The following PLBD1 variants were observed in gnomAD, a reference collection of about 807,000 sequenced individuals.
PLBD1 encodes phospholipase B domain containing 1.
Under a neutral mutation model 63.0 loss-of-function variants are expected in PLBD1, and 60 were observed. The ratio of observed to expected loss-of-function variants is 0.95; its 90% CI spans 0.77 to 1.18. PLBD1 has a LOEUF of 1.18. Among genes scored for constraint, PLBD1 ranks in the 50% most tolerant of loss-of-function variants. The pLI, the probability that PLBD1 is intolerant of heterozygous loss-of-function variation, is 0.00. For missense variants in PLBD1, 598 were observed against 677.9 expected (o/e 0.88, Z 1.31); for synonymous variants, 262 against 248.0 (o/e 1.06, Z -0.53).
In PLBD1 at chr12:14,506,255, A is replaced by G. The variant is rs1439523344; in HGVS notation, c.1386T>C (p.Asp462=). The G allele has an allele frequency of 1.2e-6, 2 of 1,607,996 alleles. No homozygotes were observed. Among genetic ancestry groups the G allele is most frequent in the Non-Finnish European group, 1.7e-6 (2 of 1,175,484 alleles). ...YIMRYNNYKK[D]PYSRGDPCNT... is the part of the protein sequence containing the mutation. ...TACAGGGGTCACCTCTACTGTAAGG[A>G]TCCTTCTTATAATCTAGGAAACAGA... Residue 462 remains aspartate (D), a synonymous_variant, in exon 10 of 11, where the codon GAT becomes GAC. Transcript: ENST00000240617.
intron 1 of PLBD1, among the ~76,000 whole-genome samples, chr12:14,563,755 A>T (rs76173691): frequency 0.031 from 4,474 of 145,272 alleles, 226 homozygotes; most frequent in African/African-American, 0.11. Flanking sequence ...AAAATAACTG[A>T]CTAAAGGTCA....
chr12:14,525,715 GCA>G (rs201390423), intron 6 of PLBD1, among the ~76,000 whole-genome samples: 6,976 of 22,560 alleles, frequency 0.31, 519 homozygotes, highest in South Asian at 0.39. Flanking sequence ...ACACACACAC[GCA>G]CACACACACT....
At chr12:14,515,463 C>T (rs566979624) in intron 6 of PLBD1, among the ~76,000 whole-genome samples, 4 of 151,474 alleles carry the variant, frequency 2.6e-5, no homozygotes, top group South Asian at 2.1e-4. Flanking sequence ...CTTTAGAATA[C>T]GTGCCCGTAT....
intron 2 of PLBD1, among the ~76,000 whole-genome samples, chr12:14,552,237 G>A (rs923435540): frequency 3.9e-5 from 6 of 152,146 alleles, no homozygotes; most frequent in African/African-American, 1.2e-4. Context: ...TATATCAAAG[G>A]AGGGATGAGA....
At chr12:14,567,479 A>T in intron 1 of PLBD1, 103 bp downstream of exon 1, 1 of 1,362,620 alleles carries the variant, frequency 7.3e-7, no homozygotes, top group Non-Finnish European at 9.4e-7. Context: ...CCCAGGAACC[A>T]GACGCCCGCT....
chr12:14,520,020 A>G (rs1397603861), intron 6 of PLBD1, among the ~76,000 whole-genome samples: 2 of 152,332 alleles, frequency 1.3e-5, no homozygotes, highest in Admixed American at 1.3e-4. Flanking sequence ...CTGTTCCCTG[A>G]CTGACCACTA....
At chr12:14,567,442 G>C (rs1324116796) in intron 1 of PLBD1, 140 bp downstream of exon 1, 2 of 1,223,736 alleles carry the variant, frequency 1.6e-6, no homozygotes, top group Non-Finnish European at 2.1e-6. Flanking sequence ...CGAGACCGCC[G>C]GCCGGAGGCG....
chr12:14,550,331 T>C (rs75898024), intron 2 of PLBD1, among the ~76,000 whole-genome samples: 4,606 of 152,316 alleles, frequency 0.03, 237 homozygotes, highest in African/African-American at 0.11. Flanking sequence ...GGGCTGCTGC[T>C]ACTGGTCTGA....
intron 6 of PLBD1, among the ~76,000 whole-genome samples, chr12:14,528,839 T>C (rs1432910045): frequency 6.6e-6 from 1 of 152,076 alleles, no homozygotes; most frequent in Non-Finnish European, 1.5e-5. Flanking sequence ...TATAAATAGC[T>C]TCATATCAAT....
intron 3 of PLBD1, among the ~76,000 whole-genome samples, chr12:14,541,591 G>A (rs945408560): frequency 6.6e-6 from 1 of 152,262 alleles, no homozygotes; most frequent in Admixed American, 6.5e-5. Context: ...ATGGGATCTA[G>A]CCCAGTGGTT....
intron 6 of PLBD1, among the ~76,000 whole-genome samples, chr12:14,531,821 C>T (rs1000473855): frequency 6.6e-6 from 1 of 151,960 alleles, no homozygotes; most frequent in African/African-American, 2.4e-5. Flanking sequence ...TTTGCAGAGA[C>T]GGGCTCTTGC....
intron 8 of PLBD1, among the ~76,000 whole-genome samples, chr12:14,508,999 C>A (rs903494128): frequency 2.0e-5 from 3 of 148,642 alleles, no homozygotes; most frequent in Non-Finnish European, 4.5e-5. Flanking sequence ...CACCCCCGAC[C>A]CCGACGCCCC....
intron 8 of PLBD1, among the ~76,000 whole-genome samples, chr12:14,510,585 G>T (rs1424484353): frequency 6.6e-6 from 1 of 152,158 alleles, no homozygotes; most frequent in Non-Finnish European, 1.5e-5. Context: ...CAAATACGTG[G>T]TTGTGGACCT....
At chr12:14,562,135 A>G (rs1026297581) in intron 1 of PLBD1, among the ~76,000 whole-genome samples, 1 of 152,066 alleles carries the variant, frequency 6.6e-6, no homozygotes, top group Admixed American at 6.6e-5. Context: ...ATCTCTCTCA[A>G]TCAAGAGACT....
At chr12:14,540,132 ACT>A (rs1945560197) in intron 4 of PLBD1, among the ~76,000 whole-genome samples, 1 of 137,568 alleles carries the variant, frequency 7.3e-6, no homozygotes, top group Non-Finnish European at 1.6e-5. Flanking sequence ...ATATATATAT[ACT>A]GGCAAAATAG....
intron 8 of PLBD1, among the ~76,000 whole-genome samples, chr12:14,509,658 A>T (rs1945281428): frequency 6.6e-6 from 1 of 152,120 alleles, no homozygotes; most frequent in African/African-American, 2.4e-5. Context: ...CAATTTGGGG[A>T]CCTGGAAAAC....
chr12:14,529,674 A>C (rs1279528642), intron 6 of PLBD1, among the ~76,000 whole-genome samples: 1 of 152,216 alleles, frequency 6.6e-6, no homozygotes, highest in Admixed American at 6.5e-5. Flanking sequence ...CATCATACTT[A>C]ATGGTGAAAG....
chr12:14,521,304 C>A (rs1945374102), intron 6 of PLBD1, among the ~76,000 whole-genome samples: 1 of 152,138 alleles, frequency 6.6e-6, no homozygotes, highest in African/African-American at 2.4e-5. Flanking sequence ...GAAGGCCACA[C>A]CTTACCCTGA....
chr12:14,556,445 C>T (rs1945704105), intron 1 of PLBD1, among the ~76,000 whole-genome samples: 1 of 151,972 alleles, frequency 6.6e-6, no homozygotes, highest in Non-Finnish European at 1.5e-5. Flanking sequence ...TCTCAGCTCA[C>T]CGCAAACTCC....
Sources: gnomAD v4.1 joint callset for allele counts (sites outside exome capture counted in the v4.1 genomes callset) on GRCh38, gnomAD v4.1.1 for gene constraint, MANE v1.5 for transcripts, NCBI Gene and HGNC (gene_info 2026-07-23, HGNC 2026-07-21) for gene names.